Variants in PIP4K2B observed in about 807,000 individuals in gnomAD.
PIP4K2B encodes the protein phosphatidylinositol-5-phosphate 4-kinase type 2 beta, also known as phosphatidylinositol 5-phosphate 4-kinase type-2 beta.
A neutral mutation model predicts 42.0 loss-of-function variants in PIP4K2B; 3 were observed. The observed-to-expected ratio is 0.07, with a 90% CI of 0.03 to 0.18. The LOEUF (loss-of-function observed/expected upper bound fraction) is 0.18. Ranked by LOEUF, PIP4K2B falls within the 10% of genes least tolerant of loss-of-function variation. The probability of loss-of-function intolerance (pLI) is 1.00; values close to 1 mark genes in which losing one functional copy is unlikely to be tolerated. For synonymous variants in PIP4K2B, 204 were observed against 210.1 expected (o/e 0.97, Z 0.25); for missense variants, 332 against 562.3 (o/e 0.59, Z 4.14).
intron 1 of PIP4K2B, among the ~76,000 whole-genome samples, chr17:38,795,642 T>C (rs1910616891): frequency 6.6e-6 from 1 of 151,780 alleles, no homozygotes; most frequent in Non-Finnish European, 1.5e-5. Flanking sequence ...TCCGAGGTAC[T>C]TGGGAGGCTG....
At chr17:38,795,526 G>A (rs1910609946) in intron 1 of PIP4K2B, among the ~76,000 whole-genome samples, 2 of 152,188 alleles carry the variant, frequency 1.3e-5, no homozygotes, top group African/African-American at 4.8e-5. Flanking sequence ...CAAGGCAGGT[G>A]GATCACCTGA....
intron 7 of PIP4K2B, chr17:38,776,557 C>G (rs771145534): frequency 2.5e-6 from 1 of 396,326 alleles, no homozygotes; most frequent in Non-Finnish European, 5.0e-6. Flanking sequence ...ACCCAGGAGG[C>G]GGAGGTTGCA....
Position 38,780,506 on chromosome 17 carries a change from A to G in PIP4K2B, c.453T>C (p.Thr151=). Residue 151 remains threonine (T), a synonymous_variant, in exon 4 of 10, where the codon ACT becomes ACC. Transcript: ENST00000619039. ...TTYDRRFVIK[T]VSSEDVAEMH... is the part of the protein sequence containing the mutation. ...TCTCCGCCACGTCCTCGCTGGACAC[A>G]GTCTTGATGACAAAGCGCCGGTCGT... 6.2e-7 allele frequency: 1 copy of G among 1,613,980 alleles called. No individual in the cohort carries two copies. Among genetic ancestry groups the G allele is most frequent in the South Asian group, 1.1e-5 (1 of 91,076 alleles).
intron 1 of PIP4K2B, chr17:38,792,786 G>C (rs1375337677): frequency 6.6e-6 from 1 of 152,240 alleles, no homozygotes; most frequent in East Asian, 1.9e-4. Context: ...GGCCACAGGA[G>C]CCAATAAATC....
intron 6 of PIP4K2B, 148 bp from the exon 7 acceptor site, chr17:38,777,948 A>G: frequency 1.6e-6 from 1 of 630,558 alleles, no homozygotes; most frequent in Non-Finnish European, 2.8e-6. Context: ...GCAGTGCAGG[A>G]GCCTCTAGTC....
intron 1 of PIP4K2B, among the ~76,000 whole-genome samples, chr17:38,788,893 T>C (rs58349014): frequency 0.058 from 8,736 of 150,368 alleles, 881 homozygotes; most frequent in African/African-American, 0.2. Context: ...GCATAAGGTA[T>C]AGTGGGCCGA....
At chr17:38,794,561 C>A (rs1910524747) in intron 1 of PIP4K2B, among the ~76,000 whole-genome samples, 1 of 136,278 alleles carries the variant, frequency 7.3e-6, no homozygotes, top group Admixed American at 7.8e-5. Context: ...TTGCTTCAGG[C>A]CAGAAGTTTG....
intron 6 of PIP4K2B, 139 bp from the exon 7 acceptor site, chr17:38,777,939 C>A (rs1167441352): frequency 4.6e-6 from 3 of 652,384 alleles, no homozygotes; most frequent in Non-Finnish European, 8.3e-6. Context: ...GCTAAATCAG[C>A]AGTGCAGGAG....
At chr17:38,781,322 A>G (rs749819626) in intron 3 of PIP4K2B, among the ~76,000 whole-genome samples, 1 of 151,942 alleles carries the variant, frequency 6.6e-6, no homozygotes, top group African/African-American at 2.4e-5. Flanking sequence ...AGAGCAGTAG[A>G]AGCCTTAAGA....
chr17:38,792,663 C>A (rs752609026), intron 1 of PIP4K2B: 11 of 152,202 alleles, frequency 7.2e-5, no homozygotes, highest in Non-Finnish European at 1.3e-4. Context: ...GGGCTGGCCA[C>A]CACCAGCAAT....
At chr17:38,784,040 G>T (rs1909860715) in intron 3 of PIP4K2B, among the ~76,000 whole-genome samples, 1 of 152,230 alleles carries the variant, frequency 6.6e-6, no homozygotes. Context: ...CTGAGTGTGT[G>T]CAGCATCCTC....
intron 7 of PIP4K2B, chr17:38,776,131 C>T (rs549115417): frequency 5.2e-5 from 20 of 382,662 alleles, no homozygotes; most frequent in Admixed American, 6.9e-5. Flanking sequence ...CCACCATGCC[C>T]GGCTAATTTT....
In PIP4K2B at chr17:38,769,179, A is replaced by G. The variant is rs1356674546; in HGVS notation, c.*512T>C. The G allele has an allele frequency of 6.4e-6, 1 of 155,334 alleles. No homozygotes were observed. The highest frequency in any genetic ancestry group is 1.4e-5 in the Non-Finnish European group (1 of 70,074). The allele number at this position is 155,334 out of a possible 1,614,324, so 9.6% of individuals were successfully genotyped here. ...CAGGGCGAGGTGTCTGACCTCTCCA[A>G]TCTGGCATCCATAGCACTTGGTTCT... On this transcript the variant is annotated 3_prime_UTR_variant, in exon 10 of 10. Transcript: ENST00000619039.
chr17:38,770,024 G>C (rs529087781), intron 9 of PIP4K2B, among the ~76,000 whole-genome samples: 1 of 152,174 alleles, frequency 6.6e-6, no homozygotes, highest in South Asian at 2.1e-4. Context: ...AGGTGGCAAC[G>C]CGGCTCTGGA....
intron 6 of PIP4K2B, 86 bp from the exon 7 acceptor site, chr17:38,777,886 A>G (rs934244278): frequency 5.4e-6 from 5 of 933,022 alleles, no homozygotes; most frequent in Non-Finnish European, 7.0e-6. Flanking sequence ...GCAACTATAC[A>G]GAAAGGGGAA....
At chr17:38,789,445 A>C (rs568458984) in intron 1 of PIP4K2B, among the ~76,000 whole-genome samples, 2 of 152,354 alleles carry the variant, frequency 1.3e-5, no homozygotes, top group South Asian at 4.1e-4. Context: ...AGGAAACCTT[A>C]GTCCTGACTT....
intron 1 of PIP4K2B, among the ~76,000 whole-genome samples, chr17:38,796,062 C>T (rs1236400384): frequency 1.3e-5 from 2 of 151,872 alleles, no homozygotes; most frequent in African/African-American, 2.4e-5. Flanking sequence ...TGCTTGAACC[C>T]GGGAGGTGGA....
At chr17:38,787,185 A>G (rs1267003695) in intron 1 of PIP4K2B, among the ~76,000 whole-genome samples, 1 of 152,036 alleles carries the variant, frequency 6.6e-6, no homozygotes, top group Non-Finnish European at 1.5e-5. Flanking sequence ...ACAGGTGCAC[A>G]TCACCACGCC....
intron 1 of PIP4K2B, among the ~76,000 whole-genome samples, chr17:38,796,002 G>A (rs892539081): frequency 1.3e-4 from 20 of 152,102 alleles, no homozygotes. Flanking sequence ...GCCACGTGTG[G>A]TGGCAGGCAT....
Sources: allele counts gnomAD v4.1 joint callset (sites outside exome capture counted in the v4.1 genomes callset), GRCh38; gene constraint gnomAD v4.1.1; transcripts MANE v1.5; gene names NCBI Gene and HGNC (gene_info 2026-07-23, HGNC 2026-07-21).